The following PRRC2C variants were observed in gnomAD, a reference collection of about 807,000 sequenced individuals.
PRRC2C encodes proline rich coiled-coil 2C.
A neutral mutation model predicts 317.2 loss-of-function variants in PRRC2C; 72 were observed. The observed-to-expected ratio is 0.23, with a 90% CI of 0.19 to 0.28. PRRC2C has a LOEUF of 0.28. PRRC2C is among the 10% of genes least tolerant of loss of function. The probability of loss-of-function intolerance (pLI) is 1.00; values close to 1 mark genes in which losing one functional copy is unlikely to be tolerated. For missense variants in PRRC2C, 3,074 were observed against 3,459.7 expected, an observed-to-expected ratio of 0.89 and a Z score of 2.80; for synonymous variants, 1,296 against 1,205.9, an observed-to-expected ratio of 1.07 and a Z score of -1.55.
chr1:171,487,340 A>T (rs1666321350), intron 1 of PRRC2C, among the ~76,000 whole-genome samples: 1 of 152,224 alleles, frequency 6.6e-6, no homozygotes, highest in Admixed American at 6.5e-5. Flanking sequence ...CCCAAAGGGG[A>T]TGCTCTAAAC....
intron 7 of PRRC2C, 23 bp from the exon 8 acceptor site, chr1:171,523,198 T>G: frequency 6.3e-7 from 1 of 1,580,418 alleles, no homozygotes; most frequent in Non-Finnish European, 8.6e-7. Flanking sequence ...TTTGTATCTT[T>G]TCCATGACCT....
chr1:171,505,915 A>G (rs1361448954), intron 1 of PRRC2C, among the ~76,000 whole-genome samples: 1 of 152,208 alleles, frequency 6.6e-6, no homozygotes, highest in Non-Finnish European at 1.5e-5. Flanking sequence ...TCGATATACA[A>G]ATATTTCAGC....
rs1213967315 is a variant in PRRC2C, at chr1:171,541,256, G to A, written c.3790G>A (p.Gly1264Ser). ...EVVPKRRRQR[G>S]SETDTDSEIH... ...TGTCCCCAAAAGAAGACGACAGCGG[G>A]GTTCAGAGACTGACACAGACAGTGA... The change falls in exon 16 of 35, where the codon GGT becomes AGT. Residue 1264 changes from glycine to serine, a missense_variant. Gly to Ser is a moderately conservative substitution (Grantham distance 56). Coordinates refer to ENST00000647382, the MANE Select transcript of PRRC2C (RefSeq NM_001387844.1). This position sits in a 1 kb window ranked among gnomAD's most constrained non-coding sequence, Gnocchi z 4.1. 4 of 1,613,920 alleles carry A rather than the reference G, an allele frequency of 2.5e-6. No individual in the cohort carries two copies. The highest frequency in any genetic ancestry group is 2.7e-5 in the African/African-American group (2 of 75,016).
chr1:171,536,333 T>C, intron 14 of PRRC2C, 55 bp downstream of exon 14: 1 of 1,543,828 alleles, frequency 6.5e-7, no homozygotes, highest in Non-Finnish European at 8.8e-7. Context: ...TTTTCCCTGC[T>C]TTTAGTTTCA....
chr1:171,504,019 A>AGG (rs1213915566), intron 1 of PRRC2C, among the ~76,000 whole-genome samples: 1 of 152,062 alleles, frequency 6.6e-6, no homozygotes, highest in Non-Finnish European at 1.5e-5. Context: ...GTGGGAATTG[A>AGG]GGGAGGTACA....
chr1:171,554,353 A>G (rs185647723), intron 18 of PRRC2C, among the ~76,000 whole-genome samples: 15 of 152,204 alleles, frequency 9.9e-5, no homozygotes, highest in Admixed American at 7.9e-4. Flanking sequence ...TTTTGAGCCT[A>G]TCTCTGTCTC....
At chr1:171,584,554 A>T in intron 30 of PRRC2C, 28 bp downstream of exon 30, 1 of 1,515,958 alleles carries the variant, frequency 6.6e-7, no homozygotes, top group Non-Finnish European at 8.8e-7. Flanking sequence ...AAATTTCCTC[A>T]ATTTTCTTTA....
chr1:171,552,318 C>G (rs1234018556), intron 18 of PRRC2C, among the ~76,000 whole-genome samples: 1 of 152,174 alleles, frequency 6.6e-6, no homozygotes, highest in Non-Finnish European at 1.5e-5. Flanking sequence ...ATTTTATATT[C>G]TGAGACTTTG....
At chr1:171,576,907 T>TTA (rs1374109691) in intron 25 of PRRC2C, among the ~76,000 whole-genome samples, 3 of 152,184 alleles carry the variant, frequency 2.0e-5, no homozygotes, top group African/African-American at 7.2e-5. Flanking sequence ...CAGGCTGGTC[T>TTA]TATACTCCTG....
In PRRC2C at chr1:171,588,458, G is replaced by C; in HGVS notation, c.8152G>C (p.Ala2718Pro). ...CCAGAAGCAGTTCCAGTCAGCCCCT[G>C]CCACTGTGAGAATGACACAACCATT... ...VYQKQFQSAPATVRMTQPFPT... is the reference protein window; with the variant it reads ...VYQKQFQSAPPTVRMTQPFPT... Residue 2718 changes from alanine (A) to proline (P), a missense_variant, in exon 33 of 35, where the codon GCC becomes CCC. Coordinates refer to ENST00000647382, the MANE Select transcript of PRRC2C (RefSeq NM_001387844.1). 1 of 1,613,864 alleles carries C rather than the reference G, an allele frequency of 6.2e-7. No individual in the cohort carries two copies. The highest frequency in any genetic ancestry group is 8.5e-7 in the Non-Finnish European group (1 of 1,179,816).
intron 18 of PRRC2C, among the ~76,000 whole-genome samples, chr1:171,553,545 T>G (rs1295292519): frequency 6.6e-6 from 1 of 152,194 alleles, no homozygotes; most frequent in African/African-American, 2.4e-5. Context: ...CTCTAGTTGT[T>G]TTAATTGTGA....
chr1:171,496,923 TC>T (rs1256166032), intron 1 of PRRC2C, among the ~76,000 whole-genome samples: 1 of 151,994 alleles, frequency 6.6e-6, no homozygotes, highest in East Asian at 1.9e-4. Flanking sequence ...TGCTTCAATC[TC>T]CTGGTTGGGA....
In PRRC2C at chr1:171,557,947, A is replaced by G; in HGVS notation, c.5835A>G (p.Pro1945=). The part of the protein sequence containing the change: ...QAQTHKPVQN[P]LQTTSQSSKQ... ...AGACCCACAAACCAGTCCAGAATCC[A>G]CTACAGACTACATCTCAGTCTTCAA... The change falls in exon 19 of 35, where the codon CCA becomes CCG. Residue 1945 remains proline (P), a synonymous_variant. Coordinates refer to ENST00000647382, the MANE Select transcript of PRRC2C (RefSeq NM_001387844.1). 6.3e-7 allele frequency: 1 copy of G among 1,599,664 alleles called. No homozygotes were observed. The highest frequency in any genetic ancestry group is 8.5e-7 in the Non-Finnish European group (1 of 1,175,136).
rs748892591 is a variant in PRRC2C, at chr1:171,517,754, T to C, written c.690T>C (p.Ala230=). 6.2e-7 allele frequency: 1 copy of C among 1,613,852 alleles called. No homozygotes were observed. The highest frequency in any genetic ancestry group is 1.1e-5 in the South Asian group (1 of 91,072). Residue 230 remains alanine, a synonymous_variant, in exon 6 of 35, where the codon GCT becomes GCC. Transcript: ENST00000647382. ...GGATAGCTTGTGGTCCTCCACAGGC[T>C]AAACTGAATGGACAGCAGGCTGCTC... ...EKRIACGPPQ[A]KLNGQQAALA...
rs34762890 is a variant in PRRC2C, at chr1:171,539,007, ATT to A, written c.2505-952_2505-951del. 3.7e-3 allele frequency among the ~76,000 whole-genome samples: 465 copies of A among 126,912 alleles called. 1 individual carries two copies. Among genetic ancestry groups the A allele is most frequent in the African/African-American group, 0.013 (436 of 33,278 alleles). 83.3% of individuals were successfully genotyped at this position (126,912 alleles called of 152,430 possible). A position where few individuals can be genotyped will look rare whatever the true frequency, so the allele number is the denominator to read the frequency against. The stretch of plus-strand genomic sequence containing the variant: ...AGGCATGAGCCACCGCTTCAGGCCC[ATT>A]TTTTTTTTTTTAATGGAGTTTTGCT... On this transcript the variant is annotated intron_variant, in intron 15 of 34. Coordinates refer to ENST00000647382, the MANE Select transcript of PRRC2C (RefSeq NM_001387844.1).
At chr1:171,551,986 C>T (rs373458190) in intron 18 of PRRC2C, among the ~76,000 whole-genome samples, 1 of 152,050 alleles carries the variant, frequency 6.6e-6, no homozygotes, top group Non-Finnish European at 1.5e-5. Flanking sequence ...TAGTTTTTTC[C>T]AATTCTGTGA....
intron 11 of PRRC2C, 72 bp downstream of exon 11, chr1:171,527,916 T>G (rs1674958900): frequency 2.3e-6 from 3 of 1,286,424 alleles, no homozygotes; most frequent in Non-Finnish European, 3.3e-6. Context: ...AGACACCAAA[T>G]TTTTTATTCA....
intron 1 of PRRC2C, among the ~76,000 whole-genome samples, chr1:171,499,570 G>A (rs868140383): frequency 6.6e-6 from 1 of 152,158 alleles, no homozygotes; most frequent in Non-Finnish European, 1.5e-5. Context: ...TCAGGAGGCC[G>A]AGGCAGGTGG....
At chr1:171,547,885 T>G (rs993993145) in intron 17 of PRRC2C, among the ~76,000 whole-genome samples, 7 of 152,170 alleles carry the variant, frequency 4.6e-5, no homozygotes, top group Non-Finnish European at 8.8e-5. Flanking sequence ...ACTCCTGACT[T>G]CAAGTGATCC....
Sources: gnomAD v4.1 joint callset for allele counts (sites outside exome capture counted in the v4.1 genomes callset) on GRCh38, gnomAD v4.1.1 for gene constraint, Gnocchi (gnomAD v3.1) non-coding constraint, MANE v1.5 for transcripts, NCBI Gene and HGNC (gene_info 2026-07-23, HGNC 2026-07-21) for gene names.